The following MCM9 variants were observed in gnomAD, a reference collection of about 807,000 sequenced individuals.
MCM9 encodes minichromosome maintenance 9 homologous recombination repair factor, also known as DNA helicase MCM9.
Under a neutral mutation model 72.8 loss-of-function variants are expected in MCM9, and 55 were observed. The ratio of observed to expected loss-of-function variants is 0.76; its 90% CI spans 0.61 to 0.95. The LOEUF (loss-of-function observed/expected upper bound fraction) is 0.95, where lower values mean the gene tolerates loss of function less well. MCM9 is among the 40% of genes least tolerant of loss of function. The pLI is 0.00. For missense variants in MCM9, 1,279 were observed against 1,377.0 expected (o/e 0.93, Z 1.13); for synonymous variants, 480 against 503.4 (o/e 0.95, Z 0.62).
chr6:118,916,432 CATT>C (rs60745084), intron 6 of MCM9, among the ~76,000 whole-genome samples: 17,417 of 141,990 alleles, frequency 0.12, 1,177 homozygotes, highest in Middle Eastern at 0.19. Context: ...GAAATGGAAG[CATT>C]ATTATTATTA....
At chr6:118,836,770 T>C (rs1774987580) in intron 9 of MCM9, among the ~76,000 whole-genome samples, 1 of 152,060 alleles carries the variant, frequency 6.6e-6, no homozygotes, top group South Asian at 2.1e-4. Context: ...CAGTCTATTT[T>C]ATTCATCTTT....
At chr6:118,884,425 T>C (rs1192003006) in intron 8 of MCM9, among the ~76,000 whole-genome samples, 2 of 150,468 alleles carry the variant, frequency 1.3e-5, no homozygotes, top group African/African-American at 4.9e-5. Context: ...ATAACAAAAA[T>C]AGAGAAAAAT....
intron 4 of MCM9, 82 bp from the exon 5 acceptor site, chr6:118,922,168 T>C: frequency 1.9e-6 from 2 of 1,030,162 alleles, no homozygotes; most frequent in Non-Finnish European, 2.8e-6. Flanking sequence ...TTGAAATTAC[T>C]ATTTTTATTT....
intron 1 of MCM9, among the ~76,000 whole-genome samples, chr6:118,933,597 G>T (rs1410196615): frequency 1.3e-5 from 2 of 152,002 alleles, no homozygotes; most frequent in Non-Finnish European, 1.5e-5. Flanking sequence ...TACTTCATTT[G>T]TCCAACATTT....
Position 118,865,723 on chromosome 6 carries a change from G to A in MCM9, c.1151-9178C>T, listed in dbSNP as rs368118433. ...TAAATCTAGGCCTCCCCCATTCTAC[G>A]TGAAAAAAGTCTGATTACACAGCAA... On this transcript the variant is annotated intron_variant, in intron 8 of 13. Coordinates refer to ENST00000619706, the MANE Select transcript of MCM9 (RefSeq NM_017696.3). Among the ~76,000 whole-genome samples, 7 of 152,066 alleles carry A rather than the reference G, an allele frequency of 4.6e-5. No homozygotes were observed. The East Asian group carries it at 9.6e-4, about 21-fold the overall frequency.
chr6:118,844,572 T>TA (rs1385680513), intron 9 of MCM9, among the ~76,000 whole-genome samples: 1 of 151,610 alleles, frequency 6.6e-6, no homozygotes, highest in African/African-American at 2.4e-5. Flanking sequence ...AAGGACAACT[T>TA]AAATGGAAGA....
In MCM9 at chr6:118,816,034, C is replaced by A; in HGVS notation, c.2222G>T (p.Ser741Ile). The change falls in exon 14 of 14, where the codon AGT (serine) becomes ATT (isoleucine). Residue 741 changes from serine (S) to isoleucine (I), a missense_variant. Transcript: ENST00000619706. The part of the protein sequence containing the change: ...SAQHKNNRDD[S>I]LDWFDFMATH... ...TGCCATGAAATCAAACCAATCTAAACTGTCATCTCTGTTATTTTTGTGCTG... is the reference window on the plus strand; with the variant it reads ...TGCCATGAAATCAAACCAATCTAAAATGTCATCTCTGTTATTTTTGTGCTG... 1 of 1,550,406 alleles carries A rather than the reference C, an allele frequency of 6.4e-7. No homozygotes were observed. Among genetic ancestry groups the A allele is most frequent in the Non-Finnish European group, 8.7e-7 (1 of 1,146,884 alleles).
At chr6:118,832,631 A>G (rs1054536236) in intron 9 of MCM9, among the ~76,000 whole-genome samples, 3 of 152,204 alleles carry the variant, frequency 2.0e-5, no homozygotes, top group Non-Finnish European at 4.4e-5. Flanking sequence ...CTACTTTTAC[A>G]TTTATTTAAT....
chr6:118,895,968 ACAGTTCT>A (rs1779373888), intron 8 of MCM9, among the ~76,000 whole-genome samples: 1 of 151,986 alleles, frequency 6.6e-6, no homozygotes, highest in South Asian at 2.1e-4. Flanking sequence ...TATAAAGTTA[ACAGTTCT>A]CTGTACTCAG....
intron 8 of MCM9, chr6:118,908,549 A>G (rs1268732790): frequency 6.6e-6 from 1 of 152,080 alleles, no homozygotes; most frequent in Non-Finnish European, 1.5e-5. Context: ...ACTATTTTGG[A>G]AATATATATA....
At chr6:118,842,013 T>G (rs2114618253) in intron 9 of MCM9, among the ~76,000 whole-genome samples, 1 of 152,220 alleles carries the variant, frequency 6.6e-6, no homozygotes, top group African/African-American at 2.4e-5. Context: ...TTTTGTATTT[T>G]TAGTAGAGAT....
intron 3 of MCM9, among the ~76,000 whole-genome samples, chr6:118,925,114 A>T (rs1781785178): frequency 6.6e-6 from 1 of 151,474 alleles, no homozygotes; most frequent in African/African-American, 2.4e-5. Context: ...GGAAAAGGGG[A>T]GAGGAGGGGA....
chr6:118,818,649 T>G (rs1301428042), intron 13 of MCM9, among the ~76,000 whole-genome samples: 1 of 152,196 alleles, frequency 6.6e-6, no homozygotes, highest in Non-Finnish European at 1.5e-5. Flanking sequence ...AAGTAGTTTT[T>G]CCTAGTTCTG....
Position 118,815,610 on chromosome 6 carries a change from A to G in MCM9, c.2646T>C (p.His882=), listed in dbSNP as rs1241037132. 6 of 1,550,340 alleles carry G rather than the reference A, an allele frequency of 3.9e-6. No homozygotes were observed. In the Admixed American group the frequency reaches 5.9e-5, roughly 15 times the overall value. The change falls in exon 14 of 14, where the codon CAT becomes CAC. Residue 882 remains histidine (H), a synonymous_variant. Coordinates refer to ENST00000619706, the MANE Select transcript of MCM9 (RefSeq NM_017696.3). ...VPSHPQSTPV[H]SPDRMLDSPK... ...GTGAGTCCAGCATTCTGTCTGGGCTATGTACAGGAGTGGACTGAGGATGGG... is the reference window on the plus strand; with the variant it reads ...GTGAGTCCAGCATTCTGTCTGGGCTGTGTACAGGAGTGGACTGAGGATGGG...
intron 7 of MCM9, 90 bp downstream of exon 7, chr6:118,913,205 A>T: frequency 6.9e-7 from 1 of 1,457,024 alleles, no homozygotes; most frequent in Non-Finnish European, 9.4e-7. Flanking sequence ...GGAAAATAAA[A>T]CCCAACGAGC....
intron 9 of MCM9, among the ~76,000 whole-genome samples, chr6:118,851,506 C>T (rs575769849): frequency 6.6e-6 from 1 of 151,684 alleles, no homozygotes; most frequent in African/African-American, 2.4e-5. Context: ...TCTTTATGAA[C>T]CCAGAAATTA....
intron 9 of MCM9, among the ~76,000 whole-genome samples, chr6:118,843,668 A>ATACGTGTATATATATATG (rs1562407098): frequency 5.4e-5 from 3 of 55,438 alleles, no homozygotes; most frequent in Admixed American, 2.3e-4. Context: ...GTATATATAT[A>ATACGTGTATATATATATG]TGTATGTATA....
At chr6:118,826,062 T>C in intron 13 of MCM9, 85 bp downstream of exon 13, 1 of 1,419,800 alleles carries the variant, frequency 7.0e-7, no homozygotes, top group Non-Finnish European at 9.5e-7. Flanking sequence ...GATAGATTTT[T>C]CCACTTAATG....
chr6:118,897,105 T>G (rs1779475208), intron 8 of MCM9, among the ~76,000 whole-genome samples: 1 of 152,152 alleles, frequency 6.6e-6, no homozygotes, highest in African/African-American at 2.4e-5. Context: ...TCCCATAGTG[T>G]TGTGATTATA....
Sources: gnomAD v4.1 joint callset for allele counts (sites outside exome capture counted in the v4.1 genomes callset) on GRCh38, gnomAD v4.1.1 for gene constraint, MANE v1.5 for transcripts, NCBI Gene and HGNC (gene_info 2026-07-23, HGNC 2026-07-21) for gene names.